The following FAAH2 variants were observed in gnomAD, a reference collection of about 807,000 sequenced individuals.
FAAH2 encodes fatty acid amide hydrolase 2.
In FAAH2, 60 loss-of-function variants were observed where a neutral mutation model predicts 36.9. That is an observed-to-expected ratio of 1.63 (90% confidence interval 1.32 to 2.02). FAAH2 has a LOEUF of 2.02. FAAH2 is among the 30% of genes most tolerant of loss of function. The pLI, the probability that FAAH2 is intolerant of heterozygous loss-of-function variation, is 0.00. For synonymous variants in FAAH2, 214 were observed against 143.8 expected (o/e 1.49, Z -3.49); for missense variants, 689 against 397.5 (o/e 1.73, Z -6.23).
intron 5 of FAAH2, among the ~76,000 whole-genome samples, chrX:57,343,119 A>G (rs999911351): frequency 2.7e-5 from 3 of 111,457 alleles, no homozygotes; most frequent in Non-Finnish European, 5.7e-5. Flanking sequence ...AGAACAAATA[A>G]TTTTCCTTGG....
At chrX:57,138,666 T>C in the FAAH2 span, among the ~76,000 whole-genome samples, 1 of 111,474 alleles carries the variant, frequency 9.0e-6, no homozygotes, top group Admixed American at 9.6e-5. Context: ...TATGCTAATT[T>C]ATATCCCCAC....
At chrX:57,241,862 A>G in the FAAH2 span, among the ~76,000 whole-genome samples, 4 of 111,324 alleles carry the variant, frequency 3.6e-5, no homozygotes, top group Non-Finnish European at 5.7e-5. Context: ...AGCACAGAAA[A>G]GCAGCTATGG....
intron 5 of FAAH2, among the ~76,000 whole-genome samples, chrX:57,353,130 C>T (rs913745580): frequency 2.3e-4 from 25 of 109,408 alleles, no homozygotes; most frequent in Non-Finnish European, 4.6e-4. Context: ...AAAAAGAACC[C>T]TAATAACTAA....
chrX:57,157,820 AT>A, the FAAH2 span, among the ~76,000 whole-genome samples: 1 of 110,005 alleles, frequency 9.1e-6, no homozygotes, highest in Non-Finnish European at 1.9e-5. Context: ...TTTATTTTTT[AT>A]TTTTTATTTT....
the FAAH2 span, among the ~76,000 whole-genome samples, chrX:57,160,676 C>T: frequency 3.2e-4 from 36 of 111,948 alleles, no homozygotes; most frequent in South Asian, 7.8e-3. Flanking sequence ...TCTGTGGGAT[C>T]GGTAGTGATA....
the FAAH2 span, among the ~76,000 whole-genome samples, chrX:57,227,668 T>C: frequency 9.0e-6 from 1 of 111,089 alleles, no homozygotes; most frequent in East Asian, 2.8e-4. Context: ...TCAGCTGTAG[T>C]AGTGTGGAGA....
the FAAH2 span, among the ~76,000 whole-genome samples, chrX:57,238,501 G>A: frequency 2.7e-5 from 3 of 111,204 alleles, no homozygotes; most frequent in Non-Finnish European, 5.7e-5. Context: ...AGGAGGGGGA[G>A]AGGATCAGGA....
intron 3 of FAAH2, among the ~76,000 whole-genome samples, chrX:57,312,225 T>C (rs1343363577): frequency 8.9e-6 from 1 of 112,279 alleles, no homozygotes; most frequent in Non-Finnish European, 1.9e-5. Flanking sequence ...CTAAGGGAAA[T>C]ACAGAAGAGC....
chrX:57,405,498 C>G (rs1003808842), intron 7 of FAAH2, among the ~76,000 whole-genome samples: 6 of 108,585 alleles, frequency 5.5e-5, no homozygotes, highest in African/African-American at 1.7e-4. Context: ...CTCGCTGGAT[C>G]AGTAGTGTGG....
chrX:57,402,522 C>G (rs767363430), intron 7 of FAAH2, among the ~76,000 whole-genome samples: 1 of 111,650 alleles, frequency 9.0e-6, no homozygotes, highest in East Asian at 2.8e-4. Flanking sequence ...TGCTCCAGGC[C>G]TAAGGCAGAC....
At chrX:57,425,448 T>A (rs182495705) in intron 7 of FAAH2, among the ~76,000 whole-genome samples, 1 of 111,221 alleles carries the variant, frequency 9.0e-6, no homozygotes, top group African/African-American at 3.3e-5. Flanking sequence ...AAGGAAAAAA[T>A]CCTAAAATTA....
intron 10 of FAAH2, among the ~76,000 whole-genome samples, chrX:57,449,010 C>G (rs2056736051): frequency 9.0e-6 from 1 of 111,639 alleles, no homozygotes; most frequent in South Asian, 3.8e-4. Flanking sequence ...TGTGATCACA[C>G]TAGATCCAAA....
chrX:57,401,155 C>G (rs56006478), intron 7 of FAAH2, among the ~76,000 whole-genome samples: 39,937 of 109,850 alleles, frequency 0.36, 6,296 homozygotes, highest in Middle Eastern at 0.61. Context: ...TATAAAAAGA[C>G]CACTTGGGTG....
At chrX:57,365,339 T>G (rs2054388065) in intron 5 of FAAH2, among the ~76,000 whole-genome samples, 1 of 112,112 alleles carries the variant, frequency 8.9e-6, no homozygotes, top group African/African-American at 3.2e-5. Context: ...GAATATGACA[T>G]TCATGGTTGG....
chrX:57,259,698 A>C, the FAAH2 span, among the ~76,000 whole-genome samples: 116 of 112,168 alleles, frequency 1.0e-3, no homozygotes, highest in African/African-American at 3.7e-3. Flanking sequence ...TTCCCCCCAT[A>C]TAGGTAACTA....
intron 8 of FAAH2, among the ~76,000 whole-genome samples, chrX:57,445,115 G>A (rs1320105066): frequency 9.0e-6 from 1 of 111,485 alleles, no homozygotes; most frequent in South Asian, 3.8e-4. Flanking sequence ...GCTTGGTTTG[G>A]CCCATCCTTA....
chrX:57,237,586 T>C, the FAAH2 span, among the ~76,000 whole-genome samples: 113 of 111,027 alleles, frequency 1.0e-3, no homozygotes, highest in African/African-American at 3.6e-3. Flanking sequence ...GACAAAGAGA[T>C]ATATAAATAA....
the FAAH2 span, among the ~76,000 whole-genome samples, chrX:57,234,485 G>A: frequency 4.8e-3 from 536 of 111,113 alleles, 22 homozygotes; most frequent in South Asian, 0.19. Flanking sequence ...TTATTATATT[G>A]TAATATATAA....
chrX:57,262,625 A>G, the FAAH2 span, among the ~76,000 whole-genome samples: 3 of 111,702 alleles, frequency 2.7e-5, no homozygotes, highest in Non-Finnish European at 5.7e-5. Flanking sequence ...TGAAGGTAGT[A>G]TTACTCTGAT....
Sources: gnomAD v4.1 joint callset for allele counts (sites outside exome capture counted in the v4.1 genomes callset) on GRCh38, gnomAD v4.1.1 for gene constraint, MANE v1.5 for transcripts, NCBI Gene and HGNC (gene_info 2026-07-23, HGNC 2026-07-21) for gene names.